The following GTF2F2 variants were observed in gnomAD, a reference collection of about 807,000 sequenced individuals.
The protein encoded by GTF2F2 is general transcription factor IIF subunit 2.
A neutral mutation model predicts 42.2 loss-of-function variants in GTF2F2; 23 were observed. The observed-to-expected ratio is 0.55, with a 90% confidence interval of 0.39 to 0.77. The LOEUF is 0.77. GTF2F2 is among the 30% of genes least tolerant of loss of function. The pLI, the probability that GTF2F2 is intolerant of heterozygous loss-of-function variation, is 0.00. For missense variants in GTF2F2, 261 were observed against 287.2 expected (o/e 0.91, Z 0.66); for synonymous variants, 105 against 100.8 (o/e 1.04, Z -0.25).
At chr13:45,185,425 T>A (rs1872372053) in intron 4 of GTF2F2, among the ~76,000 whole-genome samples, 1 of 151,566 alleles carries the variant, frequency 6.6e-6, no homozygotes, top group Non-Finnish European at 1.5e-5. Context: ...TATAATATGT[T>A]GTAAACTTAT....
At chr13:45,126,398 T>C (rs1365962933) in intron 1 of GTF2F2, among the ~76,000 whole-genome samples, 1 of 151,940 alleles carries the variant, frequency 6.6e-6, no homozygotes, top group Non-Finnish European at 1.5e-5. Context: ...ATTACAGGCG[T>C]GCACCACGAC....
chr13:45,129,825 A>G (rs1430251636), intron 1 of GTF2F2, among the ~76,000 whole-genome samples: 1 of 152,242 alleles, frequency 6.6e-6, no homozygotes, highest in South Asian at 2.1e-4. Flanking sequence ...GAAAAATAAA[A>G]CAAGGTCAAG....
intron 5 of GTF2F2, among the ~76,000 whole-genome samples, chr13:45,215,781 C>T (rs1566138222): frequency 6.7e-6 from 1 of 150,064 alleles, no homozygotes; most frequent in Non-Finnish European, 1.5e-5. Context: ...AAGACTAAAA[C>T]TGTTTGTTTT....
intron 7 of GTF2F2, among the ~76,000 whole-genome samples, chr13:45,280,261 C>T (rs976014459): frequency 6.6e-5 from 10 of 152,112 alleles, no homozygotes; most frequent in Non-Finnish European, 1.3e-4. Flanking sequence ...CCTACAAAGG[C>T]GTTTGGAATT....
intron 6 of GTF2F2, among the ~76,000 whole-genome samples, chr13:45,261,082 C>T (rs543099499): frequency 1.3e-5 from 2 of 151,914 alleles, no homozygotes; most frequent in Non-Finnish European, 2.9e-5. Flanking sequence ...GGTGAGATTG[C>T]GCCACTGCAC....
intron 4 of GTF2F2, chr13:45,194,211 G>A: frequency 6.2e-7 from 1 of 1,614,116 alleles, no homozygotes; most frequent in Non-Finnish European, 8.5e-7. Context: ...CCAGTCCCTT[G>A]AGCTGAAAGA....
At chr13:45,194,630 A>G in intron 4 of GTF2F2, 2 of 1,413,746 alleles carry the variant, frequency 1.4e-6, no homozygotes, top group Non-Finnish European at 2.0e-6. Context: ...AAGAGACACT[A>G]CCACACAAGC....
chr13:45,252,643 T>C (rs1480496215), intron 5 of GTF2F2, among the ~76,000 whole-genome samples: 1 of 152,182 alleles, frequency 6.6e-6, no homozygotes, highest in Admixed American at 6.5e-5. Flanking sequence ...GGGTGAAAAG[T>C]ACATTGTGGC....
chr13:45,245,939 C>CA (rs562692270), intron 5 of GTF2F2, among the ~76,000 whole-genome samples: 979 of 74,706 alleles, frequency 0.013, 9 homozygotes, highest in East Asian at 0.038. Context: ...GACTCCATCT[C>CA]AAAAAAAAAA....
At chr13:45,227,863 G>C (rs1186568758) in intron 5 of GTF2F2, among the ~76,000 whole-genome samples, 1 of 152,140 alleles carries the variant, frequency 6.6e-6, no homozygotes, top group Non-Finnish European at 1.5e-5. Flanking sequence ...AATGCCCAGG[G>C]AATAAGGGAA....
At chr13:45,165,170 A>C (rs1464792801) in intron 4 of GTF2F2, among the ~76,000 whole-genome samples, 4 of 151,568 alleles carry the variant, frequency 2.6e-5, no homozygotes, top group African/African-American at 9.7e-5. Context: ...AAATAAAGAG[A>C]AATAGAATGG....
chr13:45,162,035 TCTC>T (rs1262214612), intron 4 of GTF2F2, among the ~76,000 whole-genome samples: 1 of 152,184 alleles, frequency 6.6e-6, no homozygotes, highest in Admixed American at 6.5e-5. Context: ...CTTATTTAAT[TCTC>T]CTCACAACTC....
chr13:45,280,169 C>A (rs777924127), intron 7 of GTF2F2, among the ~76,000 whole-genome samples: 1 of 152,068 alleles, frequency 6.6e-6, no homozygotes, highest in African/African-American at 2.4e-5. Flanking sequence ...CCCAGAAGCA[C>A]GCAGATGCAG....
chr13:45,202,533 G>A (rs1873244781), intron 4 of GTF2F2, among the ~76,000 whole-genome samples: 1 of 152,164 alleles, frequency 6.6e-6, no homozygotes, highest in Non-Finnish European at 1.5e-5. Flanking sequence ...CTTGACAGAA[G>A]AATCCTACAG....
chr13:45,267,383 A>C lies in GTF2F2; in HGVS notation c.630+7A>C, dbSNP rs757247090. ...CATCACAAAGCAACCTGTGGTATGTATATGTTCATACTGATCCTTTGAATA... is the reference window on the plus strand; with the variant it reads ...CATCACAAAGCAACCTGTGGTATGTCTATGTTCATACTGATCCTTTGAATA... On this transcript the variant is annotated splice_region_variant and intron_variant, in intron 7 of 7. Coordinates refer to ENST00000340473, the MANE Select transcript of GTF2F2 (RefSeq NM_004128.3). The C allele has an allele frequency of 6.3e-7, 1 of 1,582,592 alleles. No individual in the cohort carries two copies. Among genetic ancestry groups the C allele is most frequent in the South Asian group, 1.1e-5 (1 of 88,844 alleles).
intron 4 of GTF2F2, among the ~76,000 whole-genome samples, chr13:45,196,498 G>A (rs1376001290): frequency 6.6e-6 from 1 of 152,162 alleles, no homozygotes; most frequent in Non-Finnish European, 1.5e-5. Flanking sequence ...AACTCTGGAA[G>A]TACATTCATG....
intron 4 of GTF2F2, among the ~76,000 whole-genome samples, chr13:45,180,989 C>T (rs1336919097): frequency 1.3e-5 from 2 of 151,194 alleles, no homozygotes; most frequent in Non-Finnish European, 1.5e-5. Context: ...AGTGAAACCC[C>T]GTCTCTACCA....
intron 7 of GTF2F2, 87 bp downstream of exon 7, chr13:45,267,463 C>G (rs899884920): frequency 1.1e-6 from 1 of 895,312 alleles, no homozygotes; most frequent in African/African-American, 1.8e-5. Flanking sequence ...TGATTTAGTT[C>G]ACATTTACCT....
At chr13:45,157,779 C>T (rs972851924) in intron 4 of GTF2F2, among the ~76,000 whole-genome samples, 5 of 151,792 alleles carry the variant, frequency 3.3e-5, no homozygotes, top group African/African-American at 7.3e-5. Flanking sequence ...GACAGGGTTT[C>T]GCCATGTTTC....
Sources: allele counts gnomAD v4.1 joint callset (sites outside exome capture counted in the v4.1 genomes callset), GRCh38; gene constraint gnomAD v4.1.1; transcripts MANE v1.5; gene names NCBI Gene and HGNC (gene_info 2026-07-23, HGNC 2026-07-21).